The following SPPL2A variants were observed in gnomAD, a reference collection of about 807,000 sequenced individuals.
SPPL2A encodes the protein signal peptide peptidase-like 2A.
In SPPL2A, 51 loss-of-function variants were observed where a neutral mutation model predicts 63.8. That is an observed-to-expected ratio of 0.80 (90% CI 0.64 to 1.01). The LOEUF (loss-of-function observed/expected upper bound fraction) is 1.01, where lower values mean the gene tolerates loss of function less well. SPPL2A is among the 50% of genes least tolerant of loss of function. The probability of loss-of-function intolerance (pLI) is 0.00; values close to 1 mark genes in which losing one functional copy is unlikely to be tolerated. For missense variants in SPPL2A, 553 were observed against 622.7 expected (o/e 0.89, Z 1.19); for synonymous variants, 188 against 205.8 (o/e 0.91, Z 0.74).
chr15:50,747,434 A>T, intron 5 of SPPL2A, 61 bp downstream of exon 5: 1 of 1,409,260 alleles, frequency 7.1e-7, no homozygotes, highest in Non-Finnish European at 9.9e-7. Flanking sequence ...TTATATAATT[A>T]AAATGATTGC....
chr15:50,741,193 G>C lies in SPPL2A; in HGVS notation c.585-1365C>G, dbSNP rs146875563. Reference sequence around the variant, plus strand: ...CTCCTCCTAGTTATATGCAACCTATGACACATTATTAATACTACTTCTGAA... The same window carrying C: ...CTCCTCCTAGTTATATGCAACCTATCACACATTATTAATACTACTTCTGAA... On this transcript the variant is annotated intron_variant, in intron 5 of 14. Coordinates refer to ENST00000261854, the MANE Select transcript of SPPL2A (RefSeq NM_032802.4). 8.8e-3 allele frequency among the ~76,000 whole-genome samples: 1,337 copies of C among 152,096 alleles called. 27 individuals are homozygous for C. Among genetic ancestry groups the C allele is most frequent in the African/African-American group, 0.031 (1,283 of 41,504 alleles).
chr15:50,739,580 G>GT (rs1241079932), intron 6 of SPPL2A, 100 bp downstream of exon 6: 1 of 807,962 alleles, frequency 1.2e-6, no homozygotes, highest in Non-Finnish European at 1.8e-6. Context: ...ATTCACATAC[G>GT]TTTTCCAGGT....
chr15:50,737,058 C>T (rs571044192), intron 6 of SPPL2A, among the ~76,000 whole-genome samples: 1 of 152,170 alleles, frequency 6.6e-6, no homozygotes, highest in South Asian at 2.1e-4. Flanking sequence ...GGATTACAGG[C>T]ATGCGCCACC....
At chr15:50,741,353 T>C (rs1432811984) in intron 5 of SPPL2A, among the ~76,000 whole-genome samples, 1 of 146,804 alleles carries the variant, frequency 6.8e-6, no homozygotes, top group Non-Finnish European at 1.5e-5. Context: ...AAATTAATTT[T>C]AAAAATAAAA....
chr15:50,756,217 C>A (rs2062955883), intron 1 of SPPL2A, among the ~76,000 whole-genome samples: 1 of 151,598 alleles, frequency 6.6e-6, no homozygotes, highest in African/African-American at 2.4e-5. Context: ...AAAAATTAGC[C>A]AGGTGTGGTG....
At chr15:50,748,393 T>C (rs1357213790) in intron 3 of SPPL2A, among the ~76,000 whole-genome samples, 191 bp from the exon 4 acceptor site, 1 of 151,662 alleles carries the variant, frequency 6.6e-6, no homozygotes, top group Non-Finnish European at 1.5e-5. Context: ...AATGCTATAA[T>C]ATATATAGCA....
intron 12 of SPPL2A, among the ~76,000 whole-genome samples, chr15:50,724,826 G>A (rs995042702): frequency 6.6e-6 from 1 of 152,102 alleles, no homozygotes; most frequent in African/African-American, 2.4e-5. Context: ...TTCTCCTCTT[G>A]ATCACAGCCT....
chr15:50,734,062 G>T (rs777331599), intron 8 of SPPL2A, among the ~76,000 whole-genome samples: 11 of 152,114 alleles, frequency 7.2e-5, no homozygotes, highest in Non-Finnish European at 1.6e-4. Flanking sequence ...AATTACCACA[G>T]CCACTATGAA....
chr15:50,744,448 C>T (rs943540395), intron 5 of SPPL2A, among the ~76,000 whole-genome samples: 1 of 152,114 alleles, frequency 6.6e-6, no homozygotes, highest in African/African-American at 2.4e-5. Flanking sequence ...GATCAATTCA[C>T]AAGGCAAATA....
intron 5 of SPPL2A, chr15:50,742,752 C>T (rs180930458): frequency 6.6e-6 from 1 of 152,188 alleles, no homozygotes; most frequent in East Asian, 1.9e-4. Context: ...ATCCATGATC[C>T]TGCAGGTATG....
chr15:50,726,221 C>T, intron 11 of SPPL2A, 100 bp downstream of exon 11: 1 of 1,460,410 alleles, frequency 6.8e-7, no homozygotes, highest in East Asian at 2.3e-5. Context: ...AATACCTTAA[C>T]ATGCACTATG....
intron 10 of SPPL2A, among the ~76,000 whole-genome samples, chr15:50,730,684 T>C (rs967351309): frequency 6.6e-6 from 1 of 152,204 alleles, no homozygotes; most frequent in African/African-American, 2.4e-5. Context: ...TTTTATTGTC[T>C]ATATTGCCTA....
intron 2 of SPPL2A, 41 bp downstream of exon 2, chr15:50,749,595 A>G (rs945188222): frequency 7.6e-7 from 1 of 1,314,296 alleles, no homozygotes; most frequent in Admixed American, 1.7e-5. Flanking sequence ...CTCCTTCTTC[A>G]CTATTTTTAT....
At chr15:50,720,644 CAAG>C (rs2062638949) in intron 13 of SPPL2A, among the ~76,000 whole-genome samples, 2 of 151,732 alleles carry the variant, frequency 1.3e-5, no homozygotes, top group South Asian at 4.2e-4. Context: ...CTCAGCGTCC[CAAG>C]TAGCTGGGAT....
At chr15:50,734,869 A>G (rs1008136258) in intron 8 of SPPL2A, among the ~76,000 whole-genome samples, 3 of 152,162 alleles carry the variant, frequency 2.0e-5, no homozygotes, top group Non-Finnish European at 2.9e-5. Context: ...TCCTTTTTGT[A>G]CTTTATATAT....
chr15:50,717,971 T>TTTG, intron 14 of SPPL2A, among the ~76,000 whole-genome samples: 1 of 120,120 alleles, frequency 8.3e-6, no homozygotes, highest in Non-Finnish European at 1.9e-5. Flanking sequence ...AACTTTCGTT[T>TTTG]TTTTTTTTTT....
At position 50,749,687 on chromosome 15, in the gene SPPL2A, GC is replaced by G; in HGVS notation, c.125del (p.Cys42SerfsTer15). 6.2e-7 allele frequency: 1 copy of G among 1,613,420 alleles called. No homozygotes were observed. Among genetic ancestry groups the G allele is most frequent in the Non-Finnish European group, 8.5e-7 (1 of 1,179,364 alleles). On this transcript the variant is annotated frameshift_variant, in exon 2 of 15. Coordinates refer to ENST00000261854, the MANE Select transcript of SPPL2A (RefSeq NM_032802.4). LOFTEE classifies it high-confidence loss of function. ...ASGNGTTKDY[C>X]MLYNPYWTAL... ...CTGTCCAATAAGGGTTATAAAGCAT[GC>G]AGTAGTCCTTGGTTGTGCCATTTCC... is the stretch of plus-strand genomic sequence containing the variant.
intron 5 of SPPL2A, chr15:50,743,281 AAC>A (rs1567162300): frequency 1.3e-5 from 2 of 152,242 alleles, no homozygotes; most frequent in Non-Finnish European, 2.9e-5. Flanking sequence ...AAAAAAATAA[AAC>A]ACACAATGCA....
intron 1 of SPPL2A, among the ~76,000 whole-genome samples, chr15:50,755,827 T>A (rs536083110): frequency 1.3e-5 from 2 of 151,808 alleles, no homozygotes; most frequent in African/African-American, 2.4e-5. Flanking sequence ...GCCATGGTAC[T>A]CAGGCTGGTC....
Sources: gnomAD v4.1 joint callset for allele counts (sites outside exome capture counted in the v4.1 genomes callset) on GRCh38, gnomAD v4.1.1 for gene constraint, MANE v1.5 for transcripts, NCBI Gene and HGNC (gene_info 2026-07-23, HGNC 2026-07-21) for gene names.